FOXN3: variants seen among roughly 807,000 people sequenced by gnomAD.
FOXN3 encodes the protein forkhead box protein N3.
In FOXN3, 7 loss-of-function variants were observed where a neutral mutation model predicts 38.4. The observed-to-expected ratio is 0.18, with a 90% CI of 0.10 to 0.34. FOXN3 has a LOEUF of 0.34. Ranked by LOEUF, FOXN3 falls within the 10% of genes least tolerant of loss-of-function variation. The pLI is 1.00. For synonymous variants in FOXN3, 230 were observed against 242.2 expected (o/e 0.95, Z 0.47); for missense variants, 456 against 613.4 (o/e 0.74, Z 2.71).
At chr14:89,441,072 TGGCCGA>T (rs1892372990) in intron 1 of FOXN3, among the ~76,000 whole-genome samples, 1 of 152,114 alleles carries the variant, frequency 6.6e-6, no homozygotes, top group Admixed American at 6.6e-5. Flanking sequence ...TATGAGAAAG[TGGCCGA>T]GGCTCCGGCT....
At chr14:89,364,252 G>T (rs988771407) in intron 2 of FOXN3, 24 of 65,424 alleles carry the variant, frequency 3.7e-4, no homozygotes, top group African/African-American at 1.2e-3. Context: ...CAGCAGTTTA[G>T]ATTAAAAAAG....
At chr14:89,588,459 C>T (rs1248684680) in intron 1 of FOXN3, among the ~76,000 whole-genome samples, 4 of 152,188 alleles carry the variant, frequency 2.6e-5, no homozygotes, top group African/African-American at 9.7e-5. Flanking sequence ...TCTGTTTCAG[C>T]ATCCAGCAAC....
At chr14:89,273,011 C>T (rs1244359720) in intron 4 of FOXN3, among the ~76,000 whole-genome samples, 2 of 152,230 alleles carry the variant, frequency 1.3e-5, no homozygotes, top group African/African-American at 2.4e-5. Context: ...TGAAACTCTG[C>T]ACCTTTCATT....
At position 89,206,589 on chromosome 14, in the gene FOXN3, G is replaced by A. The variant is rs145556486; in HGVS notation, c.746-25783C>T. 2.3e-4 allele frequency among the ~76,000 whole-genome samples: 35 copies of A among 152,298 alleles called. No individual in the cohort carries two copies. In the East Asian group the frequency reaches 5.4e-3, roughly 24 times the overall value. ...ATCTGGAGAGGCGCTCTGCAGGCCC[G>A]CCTGGCAAGCTGGTGGATCAGGTTA... On this transcript the variant is annotated intron_variant, in intron 4 of 5. Coordinates refer to ENST00000557258, the MANE Select transcript of FOXN3 (RefSeq NM_005197.4).
rs538897792 is a variant in FOXN3 at position 89,335,565 on chromosome 14, T to C, written c.680+15107A>G. Among the ~76,000 whole-genome samples the C allele has an allele frequency of 1.6e-4, 25 of 152,348 alleles. 1 individual carries two copies. In the South Asian group the frequency reaches 5.0e-3, roughly 30 times the overall value. ...TTTATACACTTGGGTCAACCAGAAATCAGCCAGGCATTTTTGGAAGAATCT... is the reference window on the plus strand; with the variant it reads ...TTTATACACTTGGGTCAACCAGAAACCAGCCAGGCATTTTTGGAAGAATCT... On this transcript the variant is annotated intron_variant, in intron 3 of 5. Coordinates refer to ENST00000557258, the MANE Select transcript of FOXN3 (RefSeq NM_005197.4).
chr14:89,425,323 C>T (rs553911447), intron 1 of FOXN3, among the ~76,000 whole-genome samples: 1 of 152,082 alleles, frequency 6.6e-6, no homozygotes, highest in African/African-American at 2.4e-5. Context: ...CCCACCTTGG[C>T]CTCCCAAAGT....
In FOXN3 at chr14:89,213,100, C is replaced by T. The variant is rs1382161101; in HGVS notation, c.746-32294G>A. On this transcript the variant is annotated intron_variant, in intron 4 of 5. Transcript: ENST00000557258. ...AGCTAAGGCCTCCCCGTCCAACATC[C>T]TTCCCAGGCACAGGGAAGTGTCAGA... Among the ~76,000 whole-genome samples, 4 of 152,186 alleles carry T rather than the reference C, an allele frequency of 2.6e-5. No individual in the cohort carries two copies. In the East Asian group the frequency reaches 7.7e-4, roughly 29 times the overall value.
chr14:89,412,525 C>T lies in FOXN3; in HGVS notation c.-14-35G>A, dbSNP rs565288831. On this transcript the variant is annotated intron_variant, in intron 1 of 5. Coordinates refer to ENST00000557258, the MANE Select transcript of FOXN3 (RefSeq NM_005197.4). The surrounding 1 kb of genome is among the most constrained non-coding windows in gnomAD (Gnocchi z 4.7). The stretch of plus-strand genomic sequence containing the variant: ...ACATCACAAAGAAATGATGAGCTGG[C>T]GAGGCCCAAAACAGAAAGGCAGACT... The T allele has an allele frequency of 1.8e-5, 27 of 1,533,118 alleles. No homozygotes were observed. Among genetic ancestry groups the T allele is most frequent in the Non-Finnish European group, 1.9e-5 (22 of 1,135,820 alleles). 95.0% of individuals were successfully genotyped at this position (1,533,118 alleles called of 1,614,324 possible).
At chr14:89,447,643 G>A (rs566372496) in intron 1 of FOXN3, among the ~76,000 whole-genome samples, 1 of 151,936 alleles carries the variant, frequency 6.6e-6, no homozygotes. Context: ...CCCATGCCTA[G>A]GAGACCGGCA....
At chr14:89,307,515 C>T (rs1221624694) in intron 3 of FOXN3, among the ~76,000 whole-genome samples, 1 of 152,158 alleles carries the variant, frequency 6.6e-6, no homozygotes, top group African/African-American at 2.4e-5. Flanking sequence ...GTGAACTTTG[C>T]TAGAAAAGTG....
At chr14:89,371,855 C>T (rs1890327141) in intron 2 of FOXN3, among the ~76,000 whole-genome samples, 3 of 152,140 alleles carry the variant, frequency 2.0e-5, no homozygotes, top group African/African-American at 7.2e-5. Context: ...CACCCATTAG[C>T]CCAGCTACTT....
intron 4 of FOXN3, among the ~76,000 whole-genome samples, chr14:89,230,409 G>C (rs1280976972): frequency 6.6e-6 from 1 of 152,138 alleles, no homozygotes; most frequent in Non-Finnish European, 1.5e-5. Flanking sequence ...GTGTGAAATG[G>C]AATTCCAGCT....
chr14:89,334,051 A>G (rs1888363872), intron 3 of FOXN3, among the ~76,000 whole-genome samples: 1 of 150,024 alleles, frequency 6.7e-6, no homozygotes, highest in Admixed American at 6.6e-5. Flanking sequence ...ACACACACAA[A>G]GGAATATTAC....
chr14:89,421,450 A>T (rs757484843), upstream of FOXN3, among the ~76,000 whole-genome samples: 5 of 150,168 alleles, frequency 3.3e-5, no homozygotes, highest in Non-Finnish European at 4.4e-5. Flanking sequence ...ACCAGGCCAA[A>T]CATATTGCTG....
chr14:89,365,816 T>C (rs962894853), intron 2 of FOXN3, among the ~76,000 whole-genome samples: 4 of 152,268 alleles, frequency 2.6e-5, no homozygotes, highest in Middle Eastern at 3.4e-3. Context: ...GAACTCAATA[T>C]ATTATGTGGC....
At position 89,471,647 on chromosome 14, in the gene FOXN3, A is replaced by G. The variant is rs79694065; in HGVS notation, c.-14-59157T>C. Among the ~76,000 whole-genome samples, 315 of 152,326 alleles carry G rather than the reference A, an allele frequency of 2.1e-3. 7 individuals carry two copies. The East Asian group carries it at 0.047, about 23-fold the overall frequency. ...GAGCTAGGTCTCTGGAGTTCTATCT[A>G]CAATACTGAAGACACATACTACAAA... On this transcript the variant is annotated intron_variant, in intron 1 of 6. Coordinates refer to the FOXN3 transcript ENST00000345097.
Position 89,600,310 on chromosome 14 carries a change from C to A in FOXN3, c.-15+18718G>T, listed in dbSNP as rs546753564. ...AAACATGTCAGACTGTATGGTCATCCTAATAATAATGCATGGAGTGAATGA... is the reference window on the plus strand; with the variant it reads ...AAACATGTCAGACTGTATGGTCATCATAATAATAATGCATGGAGTGAATGA... On this transcript the variant is annotated intron_variant, in intron 1 of 6. Transcript: ENST00000345097. 5.9e-5 allele frequency among the ~76,000 whole-genome samples: 9 copies of A among 152,208 alleles called. No homozygotes were observed. In the South Asian group the frequency reaches 1.2e-3, roughly 21 times the overall value.
At chr14:89,326,544 A>T (rs998336830) in intron 3 of FOXN3, among the ~76,000 whole-genome samples, 10 of 152,248 alleles carry the variant, frequency 6.6e-5, no homozygotes, top group African/African-American at 2.2e-4. Flanking sequence ...AGTCAAAAGT[A>T]ATGAATTTTG....
At chr14:89,196,746 G>A (rs1888109542) in intron 4 of FOXN3, among the ~76,000 whole-genome samples, 1 of 152,180 alleles carries the variant, frequency 6.6e-6, no homozygotes, top group Non-Finnish European at 1.5e-5. Flanking sequence ...AGCCTGGTGT[G>A]GGTATTCTGT....
Sources: gnomAD v4.1 joint callset for allele counts (sites outside exome capture counted in the v4.1 genomes callset) on GRCh38, gnomAD v4.1.1 for gene constraint, Gnocchi (gnomAD v3.1) non-coding constraint, MANE v1.5 for transcripts, NCBI Gene and HGNC (gene_info 2026-07-23, HGNC 2026-07-21) for gene names.